The following FTSJ3 variants were observed in gnomAD, a reference collection of about 807,000 sequenced individuals.
The protein encoded by FTSJ3 is FtsJ RNA 2'-O-methyltransferase 3.
A neutral mutation model predicts 111.5 loss-of-function variants in FTSJ3; 46 were observed. That is an observed-to-expected ratio of 0.41 (90% CI 0.33 to 0.53). The LOEUF (loss-of-function observed/expected upper bound fraction) is 0.53, where lower values mean the gene tolerates loss of function less well. Ranked by LOEUF, FTSJ3 falls within the 20% of genes least tolerant of loss-of-function variation. The pLI, the probability that FTSJ3 is intolerant of heterozygous loss-of-function variation, is 0.19. For synonymous variants in FTSJ3, 408 were observed against 383.0 expected, an observed-to-expected ratio of 1.07 and a Z score of -0.76; for missense variants, 1,075 against 1,063.8, an observed-to-expected ratio of 1.01 and a Z score of -0.15.
chr17:63,820,215 A>ACCCCCCCC, intron 19 of FTSJ3, 40 bp downstream of exon 19: 1 of 279,826 alleles, frequency 3.6e-6, no homozygotes, highest in Non-Finnish European at 6.6e-6. Context: ...CCATCCCCCC[A>ACCCCCCCC]CCCCCACCCC....
rs1567754749 is a variant in FTSJ3, at chr17:63,826,183, GA to G, written c.221-49del. The G allele has an allele frequency of 1.9e-6, 3 of 1,610,432 alleles. No individual in the cohort carries two copies. The Admixed American group carries it at 5.0e-5, about 27-fold the overall frequency. On this transcript the variant is annotated intron_variant, in intron 4 of 20. Transcript: ENST00000427159. ...ATTCTAAAAGGTTGCTTCAAGCAGG[GA>G]GGAGAGAAATACAGGACAAAATACC...
rs372823151 is a variant in FTSJ3 at position 63,826,247 on chromosome 17, C to G, written c.220+11G>C. The G allele has an allele frequency of 1.2e-6, 2 of 1,613,864 alleles. No homozygotes were observed. The highest frequency in any genetic ancestry group is 1.3e-5 in the African/African-American group (1 of 74,920). ...CCCTTAAAACACCAAGGAGAGCTGT[C>G]CGTTACTCACCCACAATAAGGCTGG... On this transcript the variant is annotated intron_variant, in intron 4 of 20. Transcript: ENST00000427159.
rs771068411 is a variant in FTSJ3 at position 63,822,068 on chromosome 17, C to G, written c.1391G>C (p.Gly464Ala). 2 of 1,614,210 alleles carry G rather than the reference C, an allele frequency of 1.2e-6. No homozygotes were observed. The highest frequency in any genetic ancestry group is 2.2e-5 in the South Asian group (2 of 91,080). Residue 464 changes from glycine to alanine, a missense_variant, in exon 14 of 21, where the codon GGT becomes GCT. Gly to Ala is a moderately conservative substitution (Grantham distance 60). Transcript: ENST00000427159. ...GTCACTATCCAGAGATGTGTCATCACCGTCGTCCTCAACATCTGACACATA... is the reference window on the plus strand; with the variant it reads ...GTCACTATCCAGAGATGTGTCATCAGCGTCGTCCTCAACATCTGACACATA... ...DIYVSDVEDD[G>A]DDTSLDSDLD...
In FTSJ3 at chr17:63,821,118, G is replaced by T; in HGVS notation, c.1887-3C>A. 6.2e-7 allele frequency: 1 copy of T among 1,613,848 alleles called. No homozygotes were observed. The highest frequency in any genetic ancestry group is 1.1e-5 in the South Asian group (1 of 91,080). On this transcript the variant is annotated splice_polypyrimidine_tract_variant and splice_region_variant and intron_variant, in intron 16 of 20. Transcript: ENST00000427159. ...TCTTACCACGGAGGGGTTCCCAGCT[G>T]TGAAGAGGGGAGGACTCTGAGTGAT... is the stretch of plus-strand genomic sequence containing the variant.
chr17:63,827,052 C>G lies in FTSJ3; in HGVS notation c.-27G>C. 1 of 742,120 alleles carries G rather than the reference C, an allele frequency of 1.3e-6. No homozygotes were observed. Among genetic ancestry groups the G allele is most frequent in the Non-Finnish European group, 2.3e-6 (1 of 431,040 alleles). The allele number at this position is 742,120 out of a possible 1,614,324, so 46.0% of individuals were successfully genotyped here. On this transcript the variant is annotated splice_region_variant and 5_prime_UTR_variant, in exon 1 of 21. It removes the in-frame stop codon of an upstream open reading frame in the 5' UTR. Coordinates refer to ENST00000427159, the MANE Select transcript of FTSJ3 (RefSeq NM_017647.4). ...CCCCGCGCCCCTCTCCGCACACTAC[C>G]TAGACCCAGAGCCGCTTTCTCCACA...
In FTSJ3 at chr17:63,822,041, A is replaced by C; in HGVS notation, c.1418T>G (p.Leu473Arg). ...DGDDTSLDSD[L>R]DPEELAGVRG... is the part of the protein sequence containing the mutation. ...GACTCCTGCCAGCTCCTCTGGATCCAGGTCACTATCCAGAGATGTGTCATC... is the reference window on the plus strand; with the variant it reads ...GACTCCTGCCAGCTCCTCTGGATCCCGGTCACTATCCAGAGATGTGTCATC... The change falls in exon 14 of 21, where the codon CTG (leucine) becomes CGG (arginine). Residue 473 changes from leucine to arginine, a missense_variant. Around this residue, in one of 2 missense-constraint regions of FTSJ3, gnomAD observed 867 missense variants for 796.9 expected, o/e 1.09. Transcript: ENST00000427159. The C allele has an allele frequency of 6.2e-7, 1 of 1,614,190 alleles. No homozygotes were observed. The highest frequency in any genetic ancestry group is 8.5e-7 in the Non-Finnish European group (1 of 1,180,014).
At chr17:63,825,505 A>T in intron 6 of FTSJ3, 31 bp downstream of exon 6, 1 of 1,612,004 alleles carries the variant, frequency 6.2e-7, no homozygotes, top group Non-Finnish European at 8.5e-7. Flanking sequence ...CTCCACCATC[A>T]CCTGATCTCC....
At chr17:63,820,734 C>T (rs2040041333) in intron 18 of FTSJ3, 105 bp downstream of exon 18, 2 of 745,018 alleles carry the variant, frequency 2.7e-6, no homozygotes, top group Admixed American at 2.3e-5. Flanking sequence ...CGTGCCATTG[C>T]ACTCCAGCCT....
Position 63,821,124 on chromosome 17 carries a change from A to AG in FTSJ3, c.1887-10dup, listed in dbSNP as rs776995572. The AG allele has an allele frequency of 1.9e-6, 3 of 1,613,622 alleles. No individual in the cohort carries two copies. The Admixed American group carries it at 5.0e-5, about 27-fold the overall frequency. ...CACGGAGGGGTTCCCAGCTGTGAAG[A>AG]GGGGAGGACTCTGAGTGATTCCACC... is the stretch of plus-strand genomic sequence containing the variant. On this transcript the variant is annotated splice_polypyrimidine_tract_variant and intron_variant, in intron 16 of 20. Transcript: ENST00000427159.
chr17:63,819,571 TGAGTGTCAA>T lies in FTSJ3; in HGVS notation c.*222_*230del, dbSNP rs1277842408. 8.0e-6 allele frequency: 4 copies of T among 497,704 alleles called. No homozygotes were observed. Among genetic ancestry groups the T allele is most frequent in the African/African-American group, 7.6e-5 (4 of 52,446 alleles). 30.8% of individuals were successfully genotyped at this position (497,704 alleles called of 1,614,324 possible). A position where few individuals can be genotyped will look rare whatever the true frequency, so the allele number is the denominator to read the frequency against. Reference sequence around the variant, plus strand: ...CTTTAACGGTTTAAAAAAAGGGTCATGAGTGTCAACACAGTTCAGCAGTGTTTTCATGGG... The same window carrying T: ...CTTTAACGGTTTAAAAAAAGGGTCATCACAGTTCAGCAGTGTTTTCATGGG... On this transcript the variant is annotated 3_prime_UTR_variant, in exon 21 of 21. Transcript: ENST00000427159.
Position 63,827,460 on chromosome 17 carries a change from G to C in FTSJ3, c.-435C>G, listed in dbSNP as rs374477572. 5.4e-5 allele frequency: 84 copies of C among 1,551,712 alleles called. No homozygotes were observed. In the African/African-American group the frequency reaches 1.0e-3, roughly 19 times the overall value. Reference sequence around the variant, plus strand: ...CCGCGCTTGCGCGCCAAGACGGCTCGGATGCCGGCGGTCTCTGCTGAAGAG... The same window carrying C: ...CCGCGCTTGCGCGCCAAGACGGCTCCGATGCCGGCGGTCTCTGCTGAAGAG... On this transcript the variant is annotated 5_prime_UTR_variant, in exon 1 of 21. Transcript: ENST00000427159.
Position 63,822,092 on chromosome 17 carries a change from T to TA in FTSJ3, c.1366dup (p.Tyr456LeufsTer6). The TA allele has an allele frequency of 6.2e-7, 1 of 1,614,222 alleles. No individual in the cohort carries two copies. Among genetic ancestry groups the TA allele is most frequent in the Non-Finnish European group, 8.5e-7 (1 of 1,180,032 alleles). ...ACCGTCGTCCTCAACATCTGACACA[T>TA]AGATATCATCCCTTGGCAGATCGGA... On this transcript the variant is annotated frameshift_variant, in exon 14 of 21. Coordinates refer to ENST00000427159, the MANE Select transcript of FTSJ3 (RefSeq NM_017647.4). LOFTEE classifies it high-confidence loss of function.
At position 63,824,066 on chromosome 17, in the gene FTSJ3, T is replaced by C; in HGVS notation, c.1154+18A>G. ...CCCTGCGTTGGGGAACTCCAAGCTC[T>C]ACCCCAGCTCCTTTCACCTCTTCAA... On this transcript the variant is annotated intron_variant, in intron 12 of 20. Transcript: ENST00000427159. 6.2e-7 allele frequency: 1 copy of C among 1,614,132 alleles called. No individual in the cohort carries two copies. The highest frequency in any genetic ancestry group is 8.5e-7 in the Non-Finnish European group (1 of 1,179,960).
Position 63,821,812 on chromosome 17 carries a change from C to T in FTSJ3, c.1507G>A (p.Glu503Lys), listed in dbSNP as rs747553034. 1.2e-6 allele frequency: 2 copies of T among 1,614,084 alleles called. No individual in the cohort carries two copies. The highest frequency in any genetic ancestry group is 1.7e-6 in the Non-Finnish European group (2 of 1,180,026). The change falls in exon 15 of 21, where the codon GAG becomes AAG. Residue 503 changes from glutamate to lysine, a missense_variant. Coordinates refer to ENST00000427159, the MANE Select transcript of FTSJ3 (RefSeq NM_017647.4). Reference sequence around the variant, plus strand: ...AGTGGATTCTCCTCCTCCTCCTCCTCTTTATCATCTTGCACTTCAGTAAGT... The same window carrying T: ...AGTGGATTCTCCTCCTCCTCCTCCTTTTTATCATCTTGCACTTCAGTAAGT... The part of the protein sequence containing the change: ...MRLTEVQDDK[E>K]EEEEENPLLV...
At chr17:63,824,582 A>G in intron 10 of FTSJ3, 55 bp downstream of exon 10, 2 of 1,486,074 alleles carry the variant, frequency 1.3e-6, no homozygotes, top group Non-Finnish European at 1.9e-6. Context: ...GTCCAACATC[A>G]TGGCCTTTCC....
chr17:63,825,549 A>G lies in FTSJ3; in HGVS notation c.387T>C (p.Asp129=), dbSNP rs777791784. 6.2e-7 allele frequency: 1 copy of G among 1,614,154 alleles called. No individual in the cohort carries two copies. The highest frequency in any genetic ancestry group is 8.5e-7 in the Non-Finnish European group (1 of 1,179,990). Residue 129 remains aspartate (D), a synonymous_variant, in exon 6 of 21, where the codon GAT becomes GAC. Transcript: ENST00000427159. The part of the protein sequence containing the change: ...APNVGASWVH[D]AYSQAHLTLM... Reference sequence around the variant, plus strand: ...CACTCCCTGTACCTTGTGAGTAAGCATCATGGACCCAGCTAGCCCCAACGT... The same window carrying G: ...CACTCCCTGTACCTTGTGAGTAAGCGTCATGGACCCAGCTAGCCCCAACGT...
chr17:63,821,213 C>T (rs2040047899), intron 16 of FTSJ3, 98 bp from the exon 17 acceptor site: 2 of 1,518,704 alleles, frequency 1.3e-6, no homozygotes, highest in African/African-American at 2.7e-5. Flanking sequence ...CAGGCTGTAC[C>T]CCAGACCAGT....
In FTSJ3 at chr17:63,825,228, G is replaced by A. The variant is rs774774033; in HGVS notation, c.595+14C>T. ...GTTGGGAGCCTGGATCAAGAGAAAG[G>A]AAATGATGCCCACCTTGGCAGACTA... is the stretch of plus-strand genomic sequence containing the variant. On this transcript the variant is annotated intron_variant, in intron 7 of 20. Coordinates refer to ENST00000427159, the MANE Select transcript of FTSJ3 (RefSeq NM_017647.4). The A allele has an allele frequency of 1.7e-5, 27 of 1,613,968 alleles. No homozygotes were observed. In the East Asian group the frequency reaches 2.9e-4, roughly 17 times the overall value.
At chr17:63,821,235 C>A in intron 16 of FTSJ3, 119 bp downstream of exon 16, 1 of 1,507,922 alleles carries the variant, frequency 6.6e-7, no homozygotes, top group South Asian at 1.2e-5. Context: ...AAATCAGGAT[C>A]GTCAGTACAG....
Sources: gnomAD v4.1 joint callset for allele counts on GRCh38, gnomAD v4.1.1 for gene constraint, gnomAD v4.1.1 regional missense constraint, MANE v1.5 for transcripts, NCBI Gene and HGNC (gene_info 2026-07-23, HGNC 2026-07-21) for gene names.